Variants in PCDH11Y observed in about 807,000 individuals in gnomAD.
The protein encoded by PCDH11Y is protocadherin 11 Y-linked.
For synonymous variants in PCDH11Y, 9 were observed against 83.6 expected (o/e 0.11, Z 4.87); for missense variants, 12 against 224.8 (o/e 0.05, Z 6.05).
intron 1 of PCDH11Y, among the ~76,000 whole-genome samples, chrY:5,012,486 G>A (rs2124618385): frequency 3.7e-4 from 11 of 29,446 alleles, no homozygotes; most frequent in Admixed American, 2.2e-3. Context: ...AACAGCAAGG[G>A]GAAAATCCAC....
At chrY:5,287,303 C>T (rs2053061424) in intron 2 of PCDH11Y, among the ~76,000 whole-genome samples, 1 of 33,341 alleles carries the variant, frequency 3.0e-5, no homozygotes, top group Non-Finnish European at 7.4e-5. Context: ...GAAATAGGAA[C>T]GCTTTTACAC....
At chrY:5,693,381 G>C (rs1207893250) in intron 4 of PCDH11Y, among the ~76,000 whole-genome samples, 1 of 20,640 alleles carries the variant, frequency 4.8e-5, no homozygotes, top group East Asian at 1.3e-3. Flanking sequence ...GCCATTAACT[G>C]TTCTGTCATA....
At chrY:5,728,250 C>T (rs2053600383) in intron 4 of PCDH11Y, among the ~76,000 whole-genome samples, 15 of 33,290 alleles carry the variant, frequency 4.5e-4, no homozygotes, top group Non-Finnish European at 1.5e-4. Flanking sequence ...TCTACGATAA[C>T]ATACGTTTTC....
chrY:5,033,713 G>A, intron 3 of PCDH11Y, among the ~76,000 whole-genome samples: 1 of 30,669 alleles, frequency 3.3e-5, no homozygotes, highest in Non-Finnish European at 7.8e-5. Context: ...AAATTTCTCA[G>A]ACATTTTAAG....
chrY:5,562,296 T>G, intron 3 of PCDH11Y, among the ~76,000 whole-genome samples: 1 of 33,923 alleles, frequency 2.9e-5, no homozygotes, highest in Non-Finnish European at 7.3e-5. Context: ...TTGCTCTTTC[T>G]TGATGGATTA....
intron 2 of PCDH11Y, among the ~76,000 whole-genome samples, chrY:5,214,666 G>A: frequency 3.1e-5 from 1 of 32,087 alleles, no homozygotes; most frequent in Non-Finnish European, 7.6e-5. Flanking sequence ...CATCCACTGA[G>A]TTTTTATTTT....
chrY:5,399,971 C>T, intron 2 of PCDH11Y, among the ~76,000 whole-genome samples: 1 of 33,038 alleles, frequency 3.0e-5, no homozygotes, highest in Admixed American at 2.8e-4. Flanking sequence ...ATTGCTGAGA[C>T]CAGCTCGGTC....
chrY:5,143,320 A>G (rs2124642757), intron 2 of PCDH11Y, among the ~76,000 whole-genome samples: 1 of 33,787 alleles, frequency 3.0e-5, no homozygotes, highest in Non-Finnish European at 7.4e-5. Flanking sequence ...TTTGATAAAA[A>G]TTACTTTTAT....
chrY:5,132,660 C>A, intron 2 of PCDH11Y, among the ~76,000 whole-genome samples: 1 of 31,968 alleles, frequency 3.1e-5, no homozygotes, highest in African/African-American at 1.2e-4. Flanking sequence ...TGTTTTTAGG[C>A]CATCCAACCC....
intron 4 of PCDH11Y, among the ~76,000 whole-genome samples, chrY:5,724,717 A>G: frequency 6.0e-5 from 2 of 33,601 alleles, no homozygotes; most frequent in Non-Finnish European, 1.5e-4. Context: ...GTATTTCTAT[A>G]TTCTAGCATT....
chrY:5,614,095 C>T (rs2053490696), intron 4 of PCDH11Y, among the ~76,000 whole-genome samples: 1 of 16,714 alleles, frequency 6.0e-5, no homozygotes, highest in African/African-American at 2.5e-4. Flanking sequence ...CTACTGTCGA[C>T]GACTCTGCGC....
chrY:5,558,914 A>C (rs2124694902), intron 3 of PCDH11Y, among the ~76,000 whole-genome samples: 1 of 32,265 alleles, frequency 3.1e-5, no homozygotes, highest in South Asian at 6.9e-4. Flanking sequence ...ATAATTAAAA[A>C]TTATGCTAGC....
chrY:5,671,071 G>T, intron 4 of PCDH11Y, among the ~76,000 whole-genome samples: 1 of 32,595 alleles, frequency 3.1e-5, no homozygotes, highest in Non-Finnish European at 7.6e-5. Context: ...TGTCAAAAAT[G>T]AATTCATTAT....
intron 4 of PCDH11Y, among the ~76,000 whole-genome samples, chrY:5,606,144 TTTTTTTATTTTTTA>T (rs2053478486): frequency 1.2e-4 from 4 of 32,581 alleles, no homozygotes; most frequent in Admixed American, 1.1e-3. Flanking sequence ...CCCGTTATTA[TTTTTTTATTTTTTA>T]TTTTTTATTT....
At chrY:5,020,579 A>G in intron 1 of PCDH11Y, among the ~76,000 whole-genome samples, 1 of 33,457 alleles carries the variant, frequency 3.0e-5, no homozygotes, top group Non-Finnish European at 7.4e-5. Flanking sequence ...AATAAAAATA[A>G]TGACTCTTTA....
At position 5,686,209 on chromosome Y, in the gene PCDH11Y, G is replaced by A. The variant is rs1602959939; in HGVS notation, c.3353-51063G>A. On this transcript the variant is annotated intron_variant, in intron 4 of 4. Transcript: ENST00000400457. ...CCAGTACCATGCTGTTTTGGTTACC[G>A]TAGCCTTGTAGTATAGTTTGAAGTC... 9.1e-5 allele frequency among the ~76,000 whole-genome samples: 3 copies of A among 33,134 alleles called. No individual in the cohort carries two copies. The East Asian group carries it at 2.5e-3, about 28-fold the overall frequency. 88.9% of individuals were successfully genotyped at this position (33,134 alleles called of 37,273 possible). A position where few individuals can be genotyped will look rare whatever the true frequency, so the allele number is the denominator to read the frequency against.
At chrY:5,603,347 C>A in intron 4 of PCDH11Y, among the ~76,000 whole-genome samples, 1 of 28,717 alleles carries the variant, frequency 3.5e-5, no homozygotes, top group South Asian at 8.3e-4. Context: ...GAGGTAAGGA[C>A]ATGAATTATT....
chrY:5,183,003 C>T, intron 2 of PCDH11Y, among the ~76,000 whole-genome samples: 1 of 33,561 alleles, frequency 3.0e-5, no homozygotes, highest in Non-Finnish European at 7.4e-5. Context: ...GGATGGATTT[C>T]CCACCTTACT....
chrY:5,075,204 GATTT>G lies in PCDH11Y; in HGVS notation c.636+17752_636+17755del, dbSNP rs2052706328. Among the ~76,000 whole-genome samples, 7 of 33,589 alleles carry G rather than the reference GATTT, an allele frequency of 2.1e-4. No homozygotes were observed. In the South Asian group the frequency reaches 4.5e-3, roughly 22 times the overall value. The allele number at this position is 33,589 out of a possible 37,273, so 90.1% of individuals were successfully genotyped here. On this transcript the variant is annotated intron_variant, in intron 1 of 1. Coordinates refer to ENST00000215473, the Ensembl canonical transcript of PCDH11Y. ...TTTTAAGCTAATGTTTTTAGTTATA[GATTT>G]ATTTATGAAAAATTGTTCTTAGCTC...
Sources: allele counts gnomAD v4.1 joint callset (sites outside exome capture counted in the v4.1 genomes callset), GRCh38; gene constraint gnomAD v4.1.1; transcripts MANE v1.5; gene names NCBI Gene and HGNC (gene_info 2026-07-23, HGNC 2026-07-21).